The following CRADD variants were observed in gnomAD, a reference collection of about 807,000 sequenced individuals.
CRADD encodes death domain-containing protein CRADD.
CRADD carries 9 observed loss-of-function variants against 15.5 expected under a neutral mutation model. That is an observed-to-expected ratio of 0.58 (90% CI 0.35 to 1.01). CRADD has a LOEUF of 1.01. Among genes scored for constraint, CRADD ranks in the 50% least tolerant of loss-of-function variants. The probability of loss-of-function intolerance (pLI) is 0.02; values close to 1 mark genes in which losing one functional copy is unlikely to be tolerated. For synonymous variants in CRADD, 118 were observed against 107.6 expected (o/e 1.10, Z -0.60); for missense variants, 227 against 250.3 (o/e 0.91, Z 0.63).
At chr12:93,823,620 A>G (rs947619442) in intron 2 of CRADD, among the ~76,000 whole-genome samples, 1 of 152,228 alleles carries the variant, frequency 6.6e-6, no homozygotes, top group Admixed American at 6.5e-5. Context: ...TCTTCAGTTC[A>G]GGCATTTATT....
chr12:93,850,133 C>A lies in CRADD; in HGVS notation c.462C>A (p.His154Gln). The change falls in exon 3 of 3, where the codon CAC becomes CAA. Residue 154 changes from histidine to glutamine, a missense_variant. Physicochemically the swap from His to Gln is conservative, Grantham distance 24. Coordinates refer to ENST00000332896, the MANE Select transcript of CRADD (RefSeq NM_003805.5). This position sits in a 1 kb window ranked among gnomAD's most constrained non-coding sequence, Gnocchi z 4.0. ...ACCGCTGTAAGGCCAACCACCCCCA[C>A]AACGTGCAGTCGCAGGTGGTGGAGG... ...DIYRCKANHP[H>Q]NVQSQVVEAF... is the part of the protein sequence containing the mutation. 1 of 1,614,168 alleles carries A rather than the reference C, an allele frequency of 6.2e-7. No homozygotes were observed. The highest frequency in any genetic ancestry group is 1.3e-5 in the African/African-American group (1 of 75,056).
At chr12:93,854,401 G>C (rs929570328), downstream of CRADD, among the ~76,000 whole-genome samples, 1 of 152,208 alleles carries the variant, frequency 6.6e-6, no homozygotes, top group Admixed American at 6.5e-5. Context: ...CAGCAAGAAG[G>C]CAAGCCGCCA....
Position 93,816,870 on chromosome 12 carries a change from C to T in CRADD, c.299-33100C>T, listed in dbSNP as rs543419290. Among the ~76,000 whole-genome samples, 22 of 152,210 alleles carry T rather than the reference C, an allele frequency of 1.4e-4. No homozygotes were observed. In the South Asian group the frequency reaches 3.5e-3, roughly 24 times the overall value. ...AGTCATAGGCTTAAAAAATGTGAGA[C>T]GGTTTCTGCTAAGACTTACTTGCAA... On this transcript the variant is annotated intron_variant, in intron 2 of 2. Transcript: ENST00000332896.
chr12:93,765,891 T>A (rs1328839159), intron 2 of CRADD, among the ~76,000 whole-genome samples: 3 of 152,144 alleles, frequency 2.0e-5, no homozygotes, highest in Admixed American at 6.5e-5. Flanking sequence ...TCATGTATGA[T>A]TTTAGCAGAA....
intron 2 of CRADD, among the ~76,000 whole-genome samples, chr12:93,731,288 A>G (rs1225059517): frequency 6.6e-6 from 1 of 152,204 alleles, no homozygotes; most frequent in East Asian, 1.9e-4. Context: ...ATATACTATA[A>G]TTTTCTCAGA....
intron 2 of CRADD, among the ~76,000 whole-genome samples, chr12:93,812,204 C>G (rs1957635820): frequency 6.6e-6 from 1 of 152,080 alleles, no homozygotes; most frequent in Non-Finnish European, 1.5e-5. Context: ...ATTACTCTAT[C>G]AATCATAGAA....
At chr12:93,799,863 C>T (rs1957458419) in intron 2 of CRADD, among the ~76,000 whole-genome samples, 1 of 152,146 alleles carries the variant, frequency 6.6e-6, no homozygotes, top group Non-Finnish European at 1.5e-5. Context: ...GTGTTATTTA[C>T]TTTGTAAGCA....
chr12:93,768,211 A>G (rs1957045788), intron 2 of CRADD, among the ~76,000 whole-genome samples: 1 of 152,248 alleles, frequency 6.6e-6, no homozygotes, highest in Admixed American at 6.5e-5. Flanking sequence ...AAAATGTGAT[A>G]AAAACAAATC....
intron 2 of CRADD, among the ~76,000 whole-genome samples, chr12:93,868,110 A>T (rs1289638331): frequency 6.6e-6 from 1 of 152,218 alleles, no homozygotes; most frequent in Admixed American, 6.5e-5. Context: ...TTATTTATTA[A>T]AATTATAAAT....
chr12:93,850,598 CAT>C lies in CRADD; in HGVS notation c.*336_*337del, dbSNP rs1192793752. The C allele has an allele frequency of 5.9e-6, 5 of 842,842 alleles. No homozygotes were observed. Among genetic ancestry groups the C allele is most frequent in the Non-Finnish European group, 7.2e-6 (5 of 696,172 alleles). The allele number at this position is 842,842 out of a possible 1,614,324, so 52.2% of individuals were successfully genotyped here. ...ATATATATCCATATATATATATATC[CAT>C]ATATATATCTCATGTCATCACATTA... On this transcript the variant is annotated 3_prime_UTR_variant, in exon 3 of 3. Coordinates refer to ENST00000332896, the MANE Select transcript of CRADD (RefSeq NM_003805.5). The surrounding 1 kb of genome is among the most constrained non-coding windows in gnomAD (Gnocchi z 4.0).
intron 2 of CRADD, among the ~76,000 whole-genome samples, chr12:93,742,224 G>C (rs557358460): frequency 1.3e-5 from 2 of 152,302 alleles, no homozygotes; most frequent in East Asian, 3.9e-4. Context: ...CCGTCAAGGA[G>C]AAGGCTTTGA....
intron 2 of CRADD, among the ~76,000 whole-genome samples, chr12:93,784,168 CGTT>C (rs1340643982): frequency 6.6e-6 from 1 of 152,014 alleles, no homozygotes; most frequent in Non-Finnish European, 1.5e-5. Context: ...ATGGTTCTGA[CGTT>C]GTTTCCTTCA....
intron 2 of CRADD, among the ~76,000 whole-genome samples, chr12:93,685,763 G>A (rs1172787285): frequency 5.9e-5 from 9 of 152,114 alleles, no homozygotes; most frequent in African/African-American, 1.9e-4. Context: ...AGGCCGAGGC[G>A]GGCAGATCAC....
At chr12:93,678,635 T>TAAA in intron 1 of CRADD, 134 bp from the exon 2 acceptor site, 1 of 870,896 alleles carries the variant, frequency 1.1e-6, no homozygotes, top group Non-Finnish European at 1.7e-6. Context: ...ATCAGTGAAT[T>TAAA]AAATACCATG....
intron 2 of CRADD, among the ~76,000 whole-genome samples, chr12:93,863,343 C>T (rs1447430902): frequency 1.3e-5 from 2 of 152,118 alleles, no homozygotes; most frequent in African/African-American, 4.8e-5. Flanking sequence ...GACTTCTCAT[C>T]CCTTTGCTAT....
At chr12:93,868,308 G>A (rs371546921) in intron 2 of CRADD, among the ~76,000 whole-genome samples, 8 of 152,196 alleles carry the variant, frequency 5.3e-5, no homozygotes, top group East Asian at 3.9e-4. Flanking sequence ...CTAGTCTTTT[G>A]TGGTCCACTC....
At chr12:93,787,252 C>T (rs1957288694) in intron 2 of CRADD, among the ~76,000 whole-genome samples, 1 of 142,092 alleles carries the variant, frequency 7.0e-6, no homozygotes, top group African/African-American at 2.7e-5. Context: ...GTTAAACTGG[C>T]TAGAGTAATT....
At chr12:93,761,792 G>C (rs946960143) in intron 2 of CRADD, among the ~76,000 whole-genome samples, 2 of 152,188 alleles carry the variant, frequency 1.3e-5, no homozygotes, top group South Asian at 2.1e-4. Context: ...AATAGGAATA[G>C]AGAGAAAATT....
chr12:93,827,218 C>G (rs558531911), intron 2 of CRADD, among the ~76,000 whole-genome samples: 1 of 152,174 alleles, frequency 6.6e-6, no homozygotes, highest in African/African-American at 2.4e-5. Context: ...CTCTATAATT[C>G]CTTCTTCCCA....
Sources: gnomAD v4.1 joint callset for allele counts (sites outside exome capture counted in the v4.1 genomes callset) on GRCh38, gnomAD v4.1.1 for gene constraint, Gnocchi (gnomAD v3.1) non-coding constraint, MANE v1.5 for transcripts, NCBI Gene and HGNC (gene_info 2026-07-23, HGNC 2026-07-21) for gene names.